The following MUC4 variants were observed in gnomAD, a reference collection of about 807,000 sequenced individuals.
MUC4 encodes mucin 4, cell surface associated.
A neutral mutation model predicts 257.9 loss-of-function variants in MUC4; 202 were observed. The ratio of observed to expected loss-of-function variants is 0.78; its 90% CI spans 0.70 to 0.88. The LOEUF (loss-of-function observed/expected upper bound fraction) is 0.88. Among genes scored for constraint, MUC4 ranks in the 40% least tolerant of loss-of-function variants. The pLI is 0.00. For synonymous variants in MUC4, 2,351 were observed against 2,757.1 expected, an observed-to-expected ratio of 0.85 and a Z score of 4.62; for missense variants, 5,976 against 6,513.7, an observed-to-expected ratio of 0.92 and a Z score of 2.84.
At chr3:195,775,742 T>TACCTTCCACACCCA (rs1724439388) in intron 3 of MUC4, among the ~76,000 whole-genome samples, 1 of 2,360 alleles carries the variant, frequency 4.2e-4, no homozygotes, top group Non-Finnish European at 7.3e-4. Context: ...TTCCACACCC[T>TACCTTCCACACCCA]TACCTTCCAC....
At chr3:195,806,884 AC>A (rs566930492) in intron 1 of MUC4, among the ~76,000 whole-genome samples, 111 of 152,260 alleles carry the variant, frequency 7.3e-4, no homozygotes, top group Non-Finnish European at 1.4e-3. Flanking sequence ...AAGTGAATGA[AC>A]AACTCCAAAG....
intron 12 of MUC4, 111 bp from the exon 13 acceptor site, chr3:195,763,056 A>G (rs1719578697): frequency 1.1e-6 from 1 of 889,934 alleles, no homozygotes; most frequent in Non-Finnish European, 1.7e-6. Context: ...GCCGGGAGGA[A>G]GGCGCTGGAG....
In MUC4 at chr3:195,761,548, C is replaced by T. The variant is rs763529997; in HGVS notation, c.14550G>A (p.Met4850Ile). The T allele has an allele frequency of 3.7e-6, 6 of 1,614,162 alleles. No homozygotes were observed. The East Asian group carries it at 8.9e-5, about 24-fold the overall frequency. The change falls in exon 15 of 25, where the codon ATG becomes ATA. Residue 4850 changes from methionine (M) to isoleucine (I), a missense_variant. Physicochemically the swap from Met to Ile is conservative, Grantham distance 10 (BLOSUM62 1). Around this residue, in one of 44 missense-constraint regions of MUC4, gnomAD observed 996 missense variants for 1,137.3 expected, o/e 0.88. Coordinates refer to ENST00000463781, the MANE Select transcript of MUC4 (RefSeq NM_018406.7). ...WNNNPEDDFR[M>I]PNGSTIPPGS... ...CTGGGGGAATGGTGGAGCCATTGGGCATCCTGAAGTCGTCCTCTGGATTGT... is the reference window on the plus strand; with the variant it reads ...CTGGGGGAATGGTGGAGCCATTGGGTATCCTGAAGTCGTCCTCTGGATTGT...
chr3:195,776,879 C>T (rs1244966274), intron 3 of MUC4, among the ~76,000 whole-genome samples: 11 of 10,410 alleles, frequency 1.1e-3, no homozygotes, highest in South Asian at 5.3e-3. Context: ...ACCTTCCACA[C>T]CCATACCTTC....
intron 3 of MUC4, among the ~76,000 whole-genome samples, chr3:195,775,617 CAGTCAT>C (rs1724354938): frequency 8.6e-6 from 1 of 115,666 alleles, no homozygotes; most frequent in African/African-American, 3.8e-5. Flanking sequence ...ATACCTTCCA[CAGTCAT>C]ACCTTCCACA....
intron 4 of MUC4, among the ~76,000 whole-genome samples, chr3:195,772,559 T>G (rs1723194448): frequency 7.6e-6 from 1 of 131,514 alleles, no homozygotes; most frequent in African/African-American, 3.3e-5. Context: ...ACACCCTCTC[T>G]CCACCGCTCA....
At chr3:195,805,347 C>T (rs1256979392) in intron 1 of MUC4, among the ~76,000 whole-genome samples, 2 of 152,158 alleles carry the variant, frequency 1.3e-5, no homozygotes, top group African/African-American at 4.8e-5. Flanking sequence ...AACCAAGAAG[C>T]ACCAAAATCC....
At position 195,788,898 on chromosome 3, in the gene MUC4, G is replaced by C. The variant is rs772681112; in HGVS notation, c.2682C>G (p.Pro894=). 1 of 1,613,646 alleles carries C rather than the reference G, an allele frequency of 6.2e-7. No homozygotes were observed. Among genetic ancestry groups the C allele is most frequent in the Non-Finnish European group, 8.5e-7 (1 of 1,179,762 alleles). Residue 894 remains proline (P), a synonymous_variant, in exon 2 of 25, where the codon CCC becomes CCG. Coordinates refer to ENST00000463781, the MANE Select transcript of MUC4 (RefSeq NM_018406.7). ...RPTGQSSPTS[P]SASPQETAAI... is the part of the protein sequence containing the mutation. The stretch of plus-strand genomic sequence containing the variant: ...CGGCTGTCTCCTGAGGAGAGGCACT[G>C]GGAGAAGTTGGGCTTGACTGTCCTG...
chr3:195,794,088 A>AAATAAAAATAAT (rs1553888474), intron 1 of MUC4, among the ~76,000 whole-genome samples: 2 of 76,994 alleles, frequency 2.6e-5, no homozygotes, highest in South Asian at 6.0e-4. Flanking sequence ...TAAAAAATAA[A>AAATAAAAATAAT]AATAATAATA....
chr3:195,794,345 T>G (rs1269259837), intron 1 of MUC4, among the ~76,000 whole-genome samples: 2 of 150,282 alleles, frequency 1.3e-5, no homozygotes, highest in African/African-American at 5.0e-5. Flanking sequence ...TCAAACTTCT[T>G]TCTTTTTTCT....
chr3:195,767,763 C>A, intron 7 of MUC4, among the ~76,000 whole-genome samples: 1 of 98,516 alleles, frequency 1.0e-5, no homozygotes, highest in African/African-American at 4.5e-5. Flanking sequence ...ACCACCATCA[C>A]CACCACCACC....
chr3:195,771,378 G>A (rs13087854), intron 5 of MUC4, among the ~76,000 whole-genome samples: 582 of 124,250 alleles, frequency 4.7e-3, no homozygotes, highest in East Asian at 9.2e-3. Context: ...GTTGGGTTGG[G>A]GTATTCCTGG....
chr3:195,801,925 A>G (rs1438717903), intron 1 of MUC4, among the ~76,000 whole-genome samples: 1 of 143,078 alleles, frequency 7.0e-6, no homozygotes, highest in Non-Finnish European at 1.5e-5. Flanking sequence ...CCTCCACTCC[A>G]CTCCCCTTGC....
At position 195,788,857 on chromosome 3, in the gene MUC4, G is replaced by A. The variant is rs761530253; in HGVS notation, c.2723C>T (p.Ala908Val). 8 of 1,613,778 alleles carry A rather than the reference G, an allele frequency of 5.0e-6. No homozygotes were observed. Among genetic ancestry groups the A allele is most frequent in the Middle Eastern group, 1.6e-4 (1 of 6,082 alleles). The change falls in exon 2 of 25, where the codon GCC becomes GTC. Residue 908 changes from alanine (A) to valine (V), a missense_variant. Physicochemically the swap from Ala to Val is moderately conservative, Grantham distance 64 (BLOSUM62 0). This residue lies in a region of MUC4 where 1,583 missense variants were observed against 1,257.4 expected (regional missense o/e 1.26). Transcript: ENST00000463781. ...GCTGGTTCTTGTCCTCTGAGTCTGG[G>A]CCATCCGGGAAATGGCGGCTGTCTC... ...PQETAAISRMAQTQRTRTSRG... is the reference protein window; with the variant it reads ...PQETAAISRMVQTQRTRTSRG...
intron 23 of MUC4, among the ~76,000 whole-genome samples, chr3:195,749,691 A>G (rs1715973152): frequency 6.6e-6 from 1 of 152,274 alleles, no homozygotes; most frequent in African/African-American, 2.4e-5. Flanking sequence ...GACAGAATAT[A>G]TGAGACAACC....
In MUC4 at chr3:195,790,811, A is replaced by G. The variant is rs568661019; in HGVS notation, c.769T>C (p.Ser257Pro). 1.7e-4 allele frequency: 278 copies of G among 1,612,212 alleles called. 3 individuals carry two copies. In the South Asian group the frequency reaches 2.1e-3, roughly 12 times the overall value. ...GTTATCTTCTCTGATGTCATCATGGATGTGTTTGTGACACTACAGAGGGAT... is the reference window on the plus strand; with the variant it reads ...GTTATCTTCTCTGATGTCATCATGGGTGTGTTTGTGACACTACAGAGGGAT... ...TSSLCSVTNTSMMTSEKITVT... is the reference protein window; with the variant it reads ...TSSLCSVTNTPMMTSEKITVT... Residue 257 changes from serine (S) to proline (P), a missense_variant, in exon 2 of 25, where the codon TCC becomes CCC. Physicochemically the swap from Ser to Pro is moderately conservative, Grantham distance 74. Coordinates refer to ENST00000463781, the MANE Select transcript of MUC4 (RefSeq NM_018406.7).
chr3:195,811,133 TTATTTTATTTTA>T (rs1290616212), intron 1 of MUC4, among the ~76,000 whole-genome samples: 1 of 150,434 alleles, frequency 6.6e-6, no homozygotes, highest in Non-Finnish European at 1.5e-5. Flanking sequence ...TTCTTATTTT[TTATTTTATTTTA>T]TATTTATTTA....
intron 7 of MUC4, among the ~76,000 whole-genome samples, chr3:195,767,504 C>CCACCATCACCACCACCATCAT (rs1720919780): frequency 7.3e-6 from 1 of 137,366 alleles, no homozygotes; most frequent in East Asian, 2.3e-4. Flanking sequence ...ACCATCACCA[C>CCACCATCACCACCACCATCAT]CACCATCACC....
At chr3:195,767,017 G>A (rs1720656471) in intron 7 of MUC4, among the ~76,000 whole-genome samples, 1 of 152,302 alleles carries the variant, frequency 6.6e-6, no homozygotes, top group African/African-American at 2.4e-5. Flanking sequence ...TTGGTCATGA[G>A]ACAGGGGCGT....
Sources: gnomAD v4.1 joint callset for allele counts (sites outside exome capture counted in the v4.1 genomes callset) on GRCh38, gnomAD v4.1.1 for gene constraint, gnomAD v4.1.1 regional missense constraint, MANE v1.5 for transcripts, NCBI Gene and HGNC (gene_info 2026-07-23, HGNC 2026-07-21) for gene names.